Variants in DIAPH2 observed in about 807,000 individuals in gnomAD.
DIAPH2 encodes the protein protein diaphanous homolog 2.
DIAPH2 carries 35 observed loss-of-function variants against 92.7 expected under a neutral mutation model. The observed-to-expected ratio is 0.38, with a 90% CI of 0.29 to 0.50. The LOEUF (loss-of-function observed/expected upper bound fraction) is 0.50, where lower values mean the gene tolerates loss of function less well. Ranked by LOEUF, DIAPH2 falls within the 20% of genes least tolerant of loss-of-function variation. The probability of loss-of-function intolerance (pLI) is 0.94; values close to 1 mark genes in which losing one functional copy is unlikely to be tolerated. For synonymous variants in DIAPH2, 301 were observed against 280.4 expected, an observed-to-expected ratio of 1.07 and a Z score of -0.73; for missense variants, 701 against 819.5, an observed-to-expected ratio of 0.86 and a Z score of 1.77.
chrX:96,962,673 G>A (rs1964209611), intron 16 of DIAPH2, among the ~76,000 whole-genome samples: 1 of 106,473 alleles, frequency 9.4e-6, no homozygotes, highest in Non-Finnish European at 1.9e-5. Flanking sequence ...GTTTCTTGTT[G>A]GAAGCATATA....
Position 97,241,454 on chromosome X carries a change from C to T in DIAPH2, c.2720-6261C>T, listed in dbSNP as rs184440649. Among the ~76,000 whole-genome samples the T allele has an allele frequency of 9.5e-3, 1,046 of 110,628 alleles. 19 individuals are homozygous for T. The highest frequency in any genetic ancestry group is 0.033 in the African/African-American group (993 of 30,377). ...CTGGGACTACAGGTGCCTGCCACCG[C>T]GCCCTGCTAATTTTTTTGTATTTTT... On this transcript the variant is annotated intron_variant, in intron 22 of 26. Transcript: ENST00000324765.
intron 26 of DIAPH2, among the ~76,000 whole-genome samples, chrX:97,503,993 T>C (rs765744395): frequency 5.4e-5 from 6 of 111,887 alleles, no homozygotes; most frequent in Non-Finnish European, 1.1e-4. Context: ...AGCACATTTG[T>C]ATAGTTGCAA....
At chrX:97,587,098 A>G (rs2071483967) in intron 26 of DIAPH2, among the ~76,000 whole-genome samples, 1 of 112,287 alleles carries the variant, frequency 8.9e-6, no homozygotes, top group Middle Eastern at 4.6e-3. Flanking sequence ...CACATAGTCA[A>G]TGTTCAAGAA....
chrX:97,113,946 A>T (rs1048721750), intron 20 of DIAPH2, among the ~76,000 whole-genome samples: 1 of 111,774 alleles, frequency 8.9e-6, no homozygotes, highest in Non-Finnish European at 1.9e-5. Flanking sequence ...AGTAACTTGG[A>T]GCTATAGGAA....
chrX:97,093,413 G>C (rs1412405251), intron 19 of DIAPH2, among the ~76,000 whole-genome samples: 3 of 111,125 alleles, frequency 2.7e-5, no homozygotes, highest in Non-Finnish European at 5.7e-5. Flanking sequence ...CCTGGAGTTG[G>C]GGAATTGGGG....
At chrX:97,308,809 G>A (rs1472880245) in intron 23 of DIAPH2, among the ~76,000 whole-genome samples, 2 of 105,655 alleles carry the variant, frequency 1.9e-5, no homozygotes, top group African/African-American at 6.8e-5. Context: ...TTTTAGTAGA[G>A]ACGGGGTTTC....
At chrX:97,286,444 T>A (rs910171052) in intron 23 of DIAPH2, among the ~76,000 whole-genome samples, 1 of 111,311 alleles carries the variant, frequency 9.0e-6, no homozygotes, top group African/African-American at 3.3e-5. Context: ...GTTTTCTGCT[T>A]CCAAGCTGGG....
intron 17 of DIAPH2, among the ~76,000 whole-genome samples, chrX:97,068,257 T>C (rs747764439): frequency 1.8e-5 from 2 of 111,734 alleles, no homozygotes; most frequent in Admixed American, 9.5e-5. Flanking sequence ...ATTTGTAAAA[T>C]GACAGTGGTT....
chrX:97,181,498 G>A (rs1260703674), intron 22 of DIAPH2, among the ~76,000 whole-genome samples: 5 of 111,649 alleles, frequency 4.5e-5, no homozygotes, highest in African/African-American at 1.3e-4. Context: ...CGCAACCTCC[G>A]TCTCCCAGGT....
At chrX:97,509,452 TA>T (rs1192690886) in intron 26 of DIAPH2, among the ~76,000 whole-genome samples, 2 of 97,331 alleles carry the variant, frequency 2.1e-5, no homozygotes, top group Non-Finnish European at 4.2e-5. Context: ...TTTTTTTTTT[TA>T]AATTGGCATT....
chrX:96,844,788 TA>T (rs2064960360), intron 4 of DIAPH2, among the ~76,000 whole-genome samples: 1 of 111,736 alleles, frequency 8.9e-6, no homozygotes, highest in Non-Finnish European at 1.9e-5. Flanking sequence ...GAGGAAGTGT[TA>T]TTTCACGTCA....
chrX:96,951,228 CTG>C (rs953675246), intron 15 of DIAPH2, among the ~76,000 whole-genome samples: 1 of 111,745 alleles, frequency 8.9e-6, no homozygotes, highest in Non-Finnish European at 1.9e-5. Context: ...ACATTATTCT[CTG>C]TAAGAAATTC....
intron 4 of DIAPH2, among the ~76,000 whole-genome samples, chrX:96,779,935 G>A (rs2064404547): frequency 9.0e-6 from 1 of 111,558 alleles, no homozygotes; most frequent in South Asian, 3.7e-4. Context: ...TACAAAAATA[G>A]CACCCATGTT....
intron 17 of DIAPH2, among the ~76,000 whole-genome samples, chrX:97,044,388 GT>G (rs2066467046): frequency 1.8e-5 from 2 of 110,677 alleles, no homozygotes; most frequent in Admixed American, 1.9e-4. Flanking sequence ...AATCCCCAAA[GT>G]ACACACCACA....
chrX:97,120,998 A>T (rs1419893493), intron 21 of DIAPH2, among the ~76,000 whole-genome samples: 2 of 112,209 alleles, frequency 1.8e-5, no homozygotes, highest in Non-Finnish European at 3.8e-5. Context: ...ACACAAAAGA[A>T]TCTACAAAAG....
intron 23 of DIAPH2, among the ~76,000 whole-genome samples, chrX:97,271,838 CACACACACAT>C (rs1210812164): frequency 1.8e-4 from 19 of 107,849 alleles, no homozygotes; most frequent in Non-Finnish European, 3.2e-4. Context: ...CACACACACA[CACACACACAT>C]GCGTACAGAC....
chrX:96,872,238 A>C (rs1460184180), intron 4 of DIAPH2, among the ~76,000 whole-genome samples: 2 of 110,871 alleles, frequency 1.8e-5, no homozygotes, highest in Non-Finnish European at 3.8e-5. Flanking sequence ...CCCATTAACT[A>C]TCCCCATTTC....
intron 25 of DIAPH2, among the ~76,000 whole-genome samples, chrX:97,420,285 A>C (rs754861872): frequency 1.1e-4 from 12 of 111,696 alleles, no homozygotes; most frequent in Non-Finnish European, 5.6e-5. Context: ...ATATACATAC[A>C]TTAGGGAAAG....
chrX:97,447,971 A>T (rs975175610), intron 26 of DIAPH2, among the ~76,000 whole-genome samples: 35 of 112,114 alleles, frequency 3.1e-4, no homozygotes, highest in African/African-American at 1.1e-3. Flanking sequence ...ACTGCTTTTG[A>T]AGTTTATTTT....
Sources: allele counts gnomAD v4.1 joint callset (sites outside exome capture counted in the v4.1 genomes callset), GRCh38; gene constraint gnomAD v4.1.1; transcripts MANE v1.5; gene names NCBI Gene and HGNC (gene_info 2026-07-23, HGNC 2026-07-21).